TCF7L1: variants seen among roughly 807,000 people sequenced by gnomAD.
TCF7L1 encodes transcription factor 7 like 1.
TCF7L1 carries 18 observed loss-of-function variants against 63.7 expected under a neutral mutation model. The observed-to-expected ratio is 0.28, with a 90% CI of 0.20 to 0.42. TCF7L1 has a LOEUF of 0.42. Ranked by LOEUF, TCF7L1 falls within the 10% of genes least tolerant of loss-of-function variation. The probability of loss-of-function intolerance (pLI) is 1.00; values close to 1 mark genes in which losing one functional copy is unlikely to be tolerated. For missense variants in TCF7L1, 654 were observed against 779.3 expected (o/e 0.84, Z 1.91); for synonymous variants, 355 against 340.9 (o/e 1.04, Z -0.46).
intron 3 of TCF7L1, among the ~76,000 whole-genome samples, chr2:85,265,452 G>A (rs956428041): frequency 6.6e-6 from 1 of 152,200 alleles, no homozygotes; most frequent in African/African-American, 2.4e-5. Context: ...GGTTGAATTG[G>A]CGCCCAGACC....
chr2:85,288,295 T>G (rs2104373946), intron 4 of TCF7L1, among the ~76,000 whole-genome samples: 1 of 152,280 alleles, frequency 6.6e-6, no homozygotes, highest in South Asian at 2.1e-4. Flanking sequence ...ATCTTAGTTT[T>G]TAAGCTCCCC....
intron 3 of TCF7L1, among the ~76,000 whole-genome samples, chr2:85,136,879 T>C (rs760048159): frequency 6.6e-6 from 1 of 152,120 alleles, no homozygotes; most frequent in Non-Finnish European, 1.5e-5. Flanking sequence ...TTAATATAAT[T>C]AAGATAATTG....
chr2:85,165,172 A>G (rs932004976), intron 3 of TCF7L1, among the ~76,000 whole-genome samples: 2 of 152,214 alleles, frequency 1.3e-5, no homozygotes, highest in Admixed American at 6.5e-5. Context: ...CAGTGAATAA[A>G]TCCTGTAAGT....
chr2:85,238,714 C>T (rs1680251898), intron 3 of TCF7L1, among the ~76,000 whole-genome samples: 1 of 152,130 alleles, frequency 6.6e-6, no homozygotes, highest in Non-Finnish European at 1.5e-5. Flanking sequence ...CTGCGCAGCA[C>T]AGTGGGGTAG....
At chr2:85,218,236 T>TTTTATTTA (rs139892042) in intron 3 of TCF7L1, among the ~76,000 whole-genome samples, 1,580 of 149,326 alleles carry the variant, frequency 0.011, 31 homozygotes, top group African/African-American at 0.03. Context: ...ACTTTACTTA[T>TTTTATTTA]TTTATTTATT....
chr2:85,241,948 G>C (rs1327735368), intron 3 of TCF7L1, among the ~76,000 whole-genome samples: 1 of 147,230 alleles, frequency 6.8e-6, no homozygotes, highest in East Asian at 2.1e-4. Flanking sequence ...GGAATAGTTT[G>C]CTTTTTGGTA....
chr2:85,280,479 C>G (rs1681384478), intron 3 of TCF7L1, among the ~76,000 whole-genome samples: 1 of 152,126 alleles, frequency 6.6e-6, no homozygotes, highest in South Asian at 2.1e-4. Context: ...TTGGACCACC[C>G]CCATATGATC....
intron 4 of TCF7L1, among the ~76,000 whole-genome samples, chr2:85,300,077 A>G (rs1407540833): frequency 1.3e-5 from 2 of 152,194 alleles, no homozygotes; most frequent in African/African-American, 4.8e-5. Flanking sequence ...GTAGTAGATC[A>G]TGGTGAAAGT....
rs374356893 is a variant in TCF7L1 at position 85,142,674 on chromosome 2, T to C, written c.441+8224T>C. On this transcript the variant is annotated intron_variant, in intron 3 of 11. Coordinates refer to ENST00000282111, the MANE Select transcript of TCF7L1 (RefSeq NM_031283.3). Reference sequence around the variant, plus strand: ...GGAGGTTTTTATATATCCCATGTTTTATATTATTTCTCCCAAACCGGATTA... The same window carrying C: ...GGAGGTTTTTATATATCCCATGTTTCATATTATTTCTCCCAAACCGGATTA... Among the ~76,000 whole-genome samples, 3 of 152,142 alleles carry C rather than the reference T, an allele frequency of 2.0e-5. No individual in the cohort carries two copies. In the South Asian group the frequency reaches 6.2e-4, roughly 31 times the overall value.
At chr2:85,241,437 GTTTTTTTTTTT>G (rs772334481) in intron 3 of TCF7L1, among the ~76,000 whole-genome samples, 4 of 83,028 alleles carry the variant, frequency 4.8e-5, no homozygotes, top group South Asian at 5.0e-4. Flanking sequence ...CTTTGTTTTT[GTTTTTTTTTTT>G]TTTTTTTTTT....
At chr2:85,223,811 TAAG>T (rs1679898826) in intron 3 of TCF7L1, among the ~76,000 whole-genome samples, 1 of 152,232 alleles carries the variant, frequency 6.6e-6, no homozygotes, top group Non-Finnish European at 1.5e-5. Flanking sequence ...TATTATACTT[TAAG>T]TTCTAGGATA....
chr2:85,280,612 G>A (rs1681387601), intron 3 of TCF7L1, among the ~76,000 whole-genome samples: 1 of 152,224 alleles, frequency 6.6e-6, no homozygotes, highest in African/African-American at 2.4e-5. Flanking sequence ...ATATTAGGGG[G>A]TATAGATTTG....
rs11891881 is a variant in TCF7L1 at position 85,228,763 on chromosome 2, C to T, written c.442-54732C>T. ...GGGCTCGGTGGCTCACGCCTGTAAT[C>T]CCAGCACTTTGGGAGGCCGAGGCGG... is the stretch of plus-strand genomic sequence containing the variant. On this transcript the variant is annotated intron_variant, in intron 3 of 11. Transcript: ENST00000282111. 4.7e-3 allele frequency among the ~76,000 whole-genome samples: 721 copies of T among 152,006 alleles called. 2 individuals carry two copies. The highest frequency in any genetic ancestry group is 0.017 in the African/African-American group (687 of 41,442).
chr2:85,206,119 C>A (rs1462712793), intron 3 of TCF7L1, among the ~76,000 whole-genome samples: 2 of 152,262 alleles, frequency 1.3e-5, no homozygotes, highest in Non-Finnish European at 1.5e-5. Flanking sequence ...ACCCTGTCTG[C>A]AGGGGCTAGG....
intron 3 of TCF7L1, among the ~76,000 whole-genome samples, chr2:85,138,368 A>G (rs921652128): frequency 2.0e-5 from 3 of 152,186 alleles, no homozygotes; most frequent in Non-Finnish European, 4.4e-5. Context: ...ATGTATATGT[A>G]TGAAGAAGTT....
intron 3 of TCF7L1, among the ~76,000 whole-genome samples, chr2:85,140,815 C>G (rs186315956): frequency 6.6e-6 from 1 of 152,028 alleles, no homozygotes; most frequent in African/African-American, 2.4e-5. Flanking sequence ...GAGCTGAGAT[C>G]GCACCATTGC....
intron 3 of TCF7L1, among the ~76,000 whole-genome samples, chr2:85,177,803 C>G (rs1404874560): frequency 6.6e-6 from 1 of 152,178 alleles, no homozygotes; most frequent in African/African-American, 2.4e-5. Context: ...TGTCTTTATT[C>G]TGATGAATTC....
chr2:85,294,542 C>T (rs1390607524), intron 4 of TCF7L1, among the ~76,000 whole-genome samples: 1 of 152,140 alleles, frequency 6.6e-6, no homozygotes, highest in African/African-American at 2.4e-5. Context: ...TAATGGTAAA[C>T]ACCCAGTTTT....
rs192824854 is a variant in TCF7L1 at position 85,277,984 on chromosome 2, T to C, written c.442-5511T>C. Among the ~76,000 whole-genome samples the C allele has an allele frequency of 2.3e-3, 343 of 152,318 alleles. 1 individual carries two copies. The highest frequency in any genetic ancestry group is 7.7e-3 in the African/African-American group (319 of 41,566). ...CCGGAGGGTTAATCTCCGTAGCTCA[T>C]TGGCAGTCCTGCCTCTGTACAGGGC... On this transcript the variant is annotated intron_variant, in intron 3 of 11. Transcript: ENST00000282111.
Sources: allele counts gnomAD v4.1 joint callset (sites outside exome capture counted in the v4.1 genomes callset), GRCh38; gene constraint gnomAD v4.1.1; transcripts MANE v1.5; gene names NCBI Gene and HGNC (gene_info 2026-07-23, HGNC 2026-07-21).